PTCD1: variants seen among roughly 807,000 people sequenced by gnomAD.
PTCD1 encodes the protein pentatricopeptide repeat-containing protein 1, mitochondrial.
A neutral mutation model predicts 53.4 loss-of-function variants in PTCD1; 50 were observed. The ratio of observed to expected loss-of-function variants is 0.94; its 90% CI spans 0.75 to 1.19. PTCD1 has a LOEUF of 1.19. Among genes scored for constraint, PTCD1 ranks in the 50% most tolerant of loss-of-function variants. PTCD1 has a pLI of 0.00. For synonymous variants in PTCD1, 413 were observed against 394.8 expected (o/e 1.05, Z -0.55); for missense variants, 918 against 904.8 (o/e 1.01, Z -0.19).
In PTCD1 at chr7:99,418,821, T is replaced by A. The variant is rs1453056348; in HGVS notation, c.*1146A>T. 6.5e-6 allele frequency: 1 copy of A among 153,400 alleles called. No individual in the cohort carries two copies. Among genetic ancestry groups the A allele is most frequent in the Non-Finnish European group, 1.5e-5 (1 of 68,882 alleles). 9.5% of individuals were successfully genotyped at this position (153,400 alleles called of 1,614,324 possible). ...CAGAGGATCCTGTTTACTTAAACTA[T>A]GGTCTTGTTCTTCCAAAAAAAGAAC... On this transcript the variant is annotated 3_prime_UTR_variant, in exon 8 of 8. Transcript: ENST00000292478.
rs368346878 is a variant in PTCD1 at position 99,434,801 on chromosome 7, T to G, written c.442A>C (p.Lys148Gln). 1.3e-4 allele frequency: 207 copies of G among 1,613,970 alleles called. No homozygotes were observed. The highest frequency in any genetic ancestry group is 1.7e-4 in the Non-Finnish European group (204 of 1,180,020). The change falls in exon 2 of 8, where the codon AAG becomes CAG. Residue 148 changes from lysine to glutamine, a missense_variant. Physicochemically the swap from Lys to Gln is moderately conservative, Grantham distance 53 (BLOSUM62 1). Transcript: ENST00000292478. The stretch of plus-strand genomic sequence containing the variant: ...AAAGTGCCCCTTACCTTCCCTTCCT[T>G]GATCAGGTGTTTGCACTGCAAGAAG... ...WYFLQCKHLI[K>Q]EGKLVEALDL...
intron 7 of PTCD1, among the ~76,000 whole-genome samples, chr7:99,421,445 A>G (rs1471196642): frequency 6.0e-5 from 9 of 151,178 alleles, no homozygotes; most frequent in Admixed American, 4.6e-4. Context: ...AAAAAAAAAA[A>G]AAGAAAAAAG....
At position 99,438,778 on chromosome 7, in the gene PTCD1, C is replaced by A. The variant is rs2150966407; in HGVS notation, c.-113G>T. The A allele has an allele frequency of 7.3e-7, 1 of 1,372,058 alleles. No individual in the cohort carries two copies. The highest frequency in any genetic ancestry group is 1.5e-5 in the African/African-American group (1 of 68,356). 85.0% of individuals were successfully genotyped at this position (1,372,058 alleles called of 1,614,324 possible). A position where few individuals can be genotyped will look rare whatever the true frequency, so the allele number is the denominator to read the frequency against. The stretch of plus-strand genomic sequence containing the variant: ...GTCTCTTCCTCGGGTCCCCCTCTCC[C>A]CAAGCGCGCAGGCGCAATCCGCGTC... On this transcript the variant is annotated 5_prime_UTR_variant, in exon 1 of 8. Transcript: ENST00000292478.
rs1165067726 is a variant in PTCD1, at chr7:99,419,916, G to A, written c.*51C>T. ...GGTGACACCAGCTCACTTGTCCTGG[G>A]GCTCCCACAGAGCACTGGGGGCCGA... On this transcript the variant is annotated 3_prime_UTR_variant, in exon 8 of 8. Transcript: ENST00000292478. 1 of 1,612,250 alleles carries A rather than the reference G, an allele frequency of 6.2e-7. No homozygotes were observed. The highest frequency in any genetic ancestry group is 1.1e-5 in the South Asian group (1 of 90,984).
At chr7:99,422,210 C>T (rs1001412116) in intron 7 of PTCD1, among the ~76,000 whole-genome samples, 10 of 152,224 alleles carry the variant, frequency 6.6e-5, no homozygotes, top group African/African-American at 2.4e-4. Context: ...ATTTCCATTG[C>T]TGTCCCACCT....
intron 5 of PTCD1, among the ~76,000 whole-genome samples, chr7:99,427,828 C>T (rs1382661568): frequency 6.6e-6 from 1 of 151,742 alleles, no homozygotes; most frequent in African/African-American, 2.4e-5. Context: ...CTCTCTGAAA[C>T]ATGTGCTGTG....
chr7:99,429,578 G>T lies in PTCD1; in HGVS notation c.813+10C>A. 6.2e-7 allele frequency: 1 copy of T among 1,614,210 alleles called. No homozygotes were observed. On this transcript the variant is annotated intron_variant, in intron 4 of 7. Transcript: ENST00000292478. Reference sequence around the variant, plus strand: ...CATGAAGGGGAGCAGGACGGCAGGGGAAGCCCCACCTTGAACACATCGAGG... The same window carrying T: ...CATGAAGGGGAGCAGGACGGCAGGGTAAGCCCCACCTTGAACACATCGAGG...
chr7:99,431,662 G>A (rs774330622), intron 3 of PTCD1, among the ~76,000 whole-genome samples: 11 of 152,106 alleles, frequency 7.2e-5, no homozygotes, highest in Admixed American at 1.3e-4. Context: ...AACTGCTCGA[G>A]CCCAGGAGGC....
rs1023370131 is a variant in PTCD1 at position 99,432,786 on chromosome 7, G to A, written c.594+492C>T. The A allele has an allele frequency of 2.5e-5, 5 of 203,746 alleles. 1 individual carries two copies. The South Asian group carries it at 4.4e-4, about 18-fold the overall frequency. The allele number at this position is 203,746 out of a possible 1,614,324, so 12.6% of individuals were successfully genotyped here. A position where few individuals can be genotyped will look rare whatever the true frequency, so the allele number is the denominator to read the frequency against. On this transcript the variant is annotated intron_variant, in intron 3 of 7. Coordinates refer to ENST00000292478, the MANE Select transcript of PTCD1 (RefSeq NM_015545.4). ...CCCCCTTCAGAGGAGCAGATGCGGT[G>A]GCTGGGCTGTGACCTGTAATCCCAG...
At chr7:99,427,867 G>C (rs28566086) in intron 5 of PTCD1, among the ~76,000 whole-genome samples, 42,373 of 150,456 alleles carry the variant, frequency 0.28, 9,700 homozygotes, top group African/African-American at 0.63. Flanking sequence ...GATTAAGGGT[G>C]GTGCAAGATG....
intron 1 of PTCD1, among the ~76,000 whole-genome samples, chr7:99,437,377 T>C (rs1418488625): frequency 6.6e-6 from 1 of 151,922 alleles, no homozygotes; most frequent in East Asian, 1.9e-4. Flanking sequence ...TGACCTCGGC[T>C]CACTGCAATT....
Position 99,419,997 on chromosome 7 carries a change from A to G in PTCD1, c.2073T>C (p.Ala691=), listed in dbSNP as rs2150943484. 2 of 1,614,202 alleles carry G rather than the reference A, an allele frequency of 1.2e-6. No individual in the cohort carries two copies. The highest frequency in any genetic ancestry group is 8.5e-7 in the Non-Finnish European group (1 of 1,180,014). The change falls in exon 8 of 8, where the codon GCT becomes GCC. Residue 691 remains alanine, a synonymous_variant. Transcript: ENST00000292478. ...PQGDQDTGKE[A]DDGCALGGR ...TGCCCCCAAGGGCACATCCGTCATCAGCCTCCTTGCCGGTGTCCTGGTCCC... is the reference window on the plus strand; with the variant it reads ...TGCCCCCAAGGGCACATCCGTCATCGGCCTCCTTGCCGGTGTCCTGGTCCC...
chr7:99,419,820 T>G lies in PTCD1; in HGVS notation c.*147A>C. 1 of 1,382,310 alleles carries G rather than the reference T, an allele frequency of 7.2e-7. No individual in the cohort carries two copies. Among genetic ancestry groups the G allele is most frequent in the Non-Finnish European group, 9.9e-7 (1 of 1,006,638 alleles). The allele number at this position is 1,382,310 out of a possible 1,614,324, so 85.6% of individuals were successfully genotyped here. A position where few individuals can be genotyped will look rare whatever the true frequency, so the allele number is the denominator to read the frequency against. ...GGGAGCACAGGCACCTTGGGCCTAG[T>G]GTGTGTCCTCACCAACACCTGTGAC... On this transcript the variant is annotated 3_prime_UTR_variant, in exon 8 of 8. Coordinates refer to ENST00000292478, the MANE Select transcript of PTCD1 (RefSeq NM_015545.4).
chr7:99,436,096 C>T (rs750570534), intron 1 of PTCD1, among the ~76,000 whole-genome samples: 9 of 152,054 alleles, frequency 5.9e-5, no homozygotes, highest in Non-Finnish European at 1.2e-4. Context: ...CAGGTGTGAG[C>T]CACTATGCCT....
At chr7:99,434,694 A>C in intron 2 of PTCD1, 96 bp downstream of exon 2, 11 of 1,544,466 alleles carry the variant, frequency 7.1e-6, no homozygotes, top group Non-Finnish European at 9.8e-6. Flanking sequence ...GGTAGGCCCA[A>C]AACTTAGAGG....
intron 2 of PTCD1, among the ~76,000 whole-genome samples, chr7:99,434,403 C>T (rs377226149): frequency 1.3e-5 from 2 of 150,484 alleles, no homozygotes; most frequent in South Asian, 2.1e-4. Flanking sequence ...GAGCCAAGAT[C>T]GTGCCACTGC....
intron 7 of PTCD1, among the ~76,000 whole-genome samples, chr7:99,423,530 G>T (rs1037824271): frequency 6.6e-6 from 1 of 152,170 alleles, no homozygotes; most frequent in African/African-American, 2.4e-5. Flanking sequence ...TGGCCTCTGC[G>T]AACTGACAGA....
Position 99,417,401 on chromosome 7 carries a change from T to A in PTCD1, c.*2566A>T, listed in dbSNP as rs369078234. 12 of 1,610,298 alleles carry A rather than the reference T, an allele frequency of 7.5e-6. No individual in the cohort carries two copies. Among genetic ancestry groups the A allele is most frequent in the Non-Finnish European group, 1.0e-5 (12 of 1,176,752 alleles). ...TGGGGAAGGTTTTTAGACCATGGCC[T>A]GATGCTCTTTCCCCATCTTTTTGAC... On this transcript the variant is annotated 3_prime_UTR_variant, in exon 8 of 8. Coordinates refer to ENST00000292478, the MANE Select transcript of PTCD1 (RefSeq NM_015545.4).
intron 3 of PTCD1, among the ~76,000 whole-genome samples, chr7:99,432,730 C>G (rs887378695): frequency 6.6e-6 from 1 of 152,194 alleles, no homozygotes; most frequent in Admixed American, 6.5e-5. Flanking sequence ...TCCCACCTGA[C>G]GAGAAACGCC....
Sources: allele counts gnomAD v4.1 joint callset (sites outside exome capture counted in the v4.1 genomes callset), GRCh38; gene constraint gnomAD v4.1.1; transcripts MANE v1.5; gene names NCBI Gene and HGNC (gene_info 2026-07-23, HGNC 2026-07-21).